LMX1B: variants seen among roughly 807,000 people sequenced by gnomAD.
LMX1B encodes LIM homeobox transcription factor 1 beta.
Under a neutral mutation model 51.4 loss-of-function variants are expected in LMX1B, and 12 were observed. The ratio of observed to expected loss-of-function variants is 0.23; its 90% CI spans 0.15 to 0.38. The LOEUF (loss-of-function observed/expected upper bound fraction) is 0.38. Among genes scored for constraint, LMX1B ranks in the 10% least tolerant of loss-of-function variants. The pLI is 1.00. For synonymous variants in LMX1B, 237 were observed against 235.4 expected (o/e 1.01, Z -0.06); for missense variants, 445 against 571.1 (o/e 0.78, Z 2.25).
chr9:126,631,277 A>G (rs1835631759), intron 2 of LMX1B, among the ~76,000 whole-genome samples: 1 of 152,252 alleles, frequency 6.6e-6, no homozygotes, highest in South Asian at 2.1e-4. Context: ...GATTTAAATT[A>G]AAATAACAGT....
At chr9:126,668,460 T>C (rs1158731388) in intron 2 of LMX1B, among the ~76,000 whole-genome samples, 1 of 151,254 alleles carries the variant, frequency 6.6e-6, no homozygotes, top group Non-Finnish European at 1.5e-5. Flanking sequence ...TTATTATTAT[T>C]ATTATTATTT....
rs1835522968 is a variant in LMX1B, at chr9:126,626,055, G to A, written c.326+10486G>A. On this transcript the variant is annotated intron_variant, in intron 2 of 7. Coordinates refer to ENST00000373474, the MANE Select transcript of LMX1B (RefSeq NM_001174147.2). This position sits in a 1 kb window ranked among gnomAD's most constrained non-coding sequence, Gnocchi z 4.3. ...TTTTGCTCCCCTCATGGACATGGGG[G>A]TGGGGAGCTCGTGGGGTTTCAGCCC... Among the ~76,000 whole-genome samples, 1 of 152,260 alleles carries A rather than the reference G, an allele frequency of 6.6e-6. No homozygotes were observed. The highest frequency in any genetic ancestry group is 6.5e-5 in the Admixed American group (1 of 15,292).
Position 126,670,093 on chromosome 9 carries a change from C to T in LMX1B, c.327-20743C>T, listed in dbSNP as rs548321678. On this transcript the variant is annotated intron_variant, in intron 2 of 7. Transcript: ENST00000373474. ...GCACTGGGAGGGCCCTAACCCAAAT[C>T]CCAGTTCCCAAGAGAGTCCCGGCGT... Among the ~76,000 whole-genome samples the T allele has an allele frequency of 2.9e-4, 44 of 152,328 alleles. No homozygotes were observed. In the East Asian group the frequency reaches 8.3e-3, roughly 29 times the overall value.
intron 2 of LMX1B, among the ~76,000 whole-genome samples, chr9:126,623,105 A>G (rs1276404952): frequency 2.6e-5 from 4 of 152,240 alleles, no homozygotes; most frequent in African/African-American, 9.6e-5. Flanking sequence ...TGGGAGGCCC[A>G]GAAAGTGCAG....
intron 2 of LMX1B, among the ~76,000 whole-genome samples, chr9:126,657,565 G>A (rs908774384): frequency 3.9e-5 from 6 of 152,166 alleles, no homozygotes; most frequent in African/African-American, 1.4e-4. Flanking sequence ...TTGGATCCTG[G>A]AAGCCTCCTC....
intron 2 of LMX1B, among the ~76,000 whole-genome samples, chr9:126,646,057 G>C (rs1835894702): frequency 6.6e-6 from 1 of 152,200 alleles, no homozygotes; most frequent in Non-Finnish European, 1.5e-5. Flanking sequence ...GAAAGGGTTA[G>C]AATCCTAGCT....
At chr9:126,631,600 A>G (rs1306431409) in intron 2 of LMX1B, among the ~76,000 whole-genome samples, 1 of 152,156 alleles carries the variant, frequency 6.6e-6, no homozygotes, top group African/African-American at 2.4e-5. Flanking sequence ...GGGCGAGGGC[A>G]GAGCTGAGCA....
chr9:126,667,422 A>G (rs1346375833), intron 2 of LMX1B, among the ~76,000 whole-genome samples: 2 of 152,196 alleles, frequency 1.3e-5, no homozygotes, highest in Non-Finnish European at 2.9e-5. Context: ...CACACACACC[A>G]TACATCAGTG....
In LMX1B at chr9:126,621,452, T is replaced by C. The variant is rs1224377559; in HGVS notation, c.326+5883T>C. 2.6e-5 allele frequency among the ~76,000 whole-genome samples: 4 copies of C among 152,224 alleles called. No homozygotes were observed. The East Asian group carries it at 5.8e-4, about 22-fold the overall frequency. ...GCAGTCAGAAGTGGAGAGACGGTGG[T>C]AGTGAGAGAGGGCTAAGGCTGAAAA... On this transcript the variant is annotated intron_variant, in intron 2 of 7. Transcript: ENST00000373474.
At chr9:126,623,752 ACCT>A (rs35622144) in intron 2 of LMX1B, among the ~76,000 whole-genome samples, 38,719 of 151,930 alleles carry the variant, frequency 0.25, 5,184 homozygotes, top group Middle Eastern at 0.36. Flanking sequence ...GGTGTCACTG[ACCT>A]CCTCTGCGCG....
At chr9:126,657,336 G>T (rs747714675) in intron 2 of LMX1B, among the ~76,000 whole-genome samples, 1 of 152,128 alleles carries the variant, frequency 6.6e-6, no homozygotes, top group Admixed American at 6.5e-5. Context: ...TATCTTTCTT[G>T]GTCAGGTATC....
intron 2 of LMX1B, among the ~76,000 whole-genome samples, chr9:126,656,808 C>T (rs535059965): frequency 1.3e-5 from 2 of 152,354 alleles, no homozygotes; most frequent in Admixed American, 6.5e-5. Context: ...AGCAGCATCT[C>T]AGCTGCCACT....
chr9:126,623,696 T>TG lies in LMX1B; in HGVS notation c.326+8130dup, dbSNP rs573539944. Among the ~76,000 whole-genome samples the TG allele has an allele frequency of 8.5e-5, 13 of 152,266 alleles. No individual in the cohort carries two copies. The South Asian group carries it at 2.7e-3, about 32-fold the overall frequency. ...CTAATCTCCCCCAGAACGCCCAGCC[T>TG]GGGAGGGGTGGGGAGGGGGAGTCGC... On this transcript the variant is annotated intron_variant, in intron 2 of 7. Transcript: ENST00000373474.
rs1300031499 is a variant in LMX1B, at chr9:126,671,543, C to T, written c.327-19293C>T. On this transcript the variant is annotated intron_variant, in intron 2 of 7. Transcript: ENST00000373474. The surrounding 1 kb of genome is among the most constrained non-coding windows in gnomAD (Gnocchi z 4.4). ...AATTAAATCCTGCGCCAAGAGCCCA[C>T]TCCAGCCGGTATCCCGAGAGGCCGC... 2.0e-5 allele frequency among the ~76,000 whole-genome samples: 3 copies of T among 152,218 alleles called. No homozygotes were observed. The highest frequency in any genetic ancestry group is 2.9e-5 in the Non-Finnish European group (2 of 68,030).
Position 126,695,473 on chromosome 9 carries a change from G to C in LMX1B, c.887-366G>C, listed in dbSNP as rs57310914. 0.24 allele frequency among the ~76,000 whole-genome samples: 36,369 copies of C among 152,150 alleles called. 5,240 individuals are homozygous for C. The highest frequency in any genetic ancestry group is 0.39 in the Middle Eastern group (114 of 294). On this transcript the variant is annotated intron_variant, in intron 6 of 7. Transcript: ENST00000373474. This position sits in a 1 kb window ranked among gnomAD's most constrained non-coding sequence, Gnocchi z 5.2. ...GTTCTTTAAGTCACATCAGGGCGGG[G>C]GCCCTTTCCTCCAGGAAGTCTTCCC...
chr9:126,620,767 G>A (rs939790296), intron 2 of LMX1B, among the ~76,000 whole-genome samples: 12 of 152,136 alleles, frequency 7.9e-5, no homozygotes, highest in African/African-American at 2.7e-4. Flanking sequence ...TATTTCCACC[G>A]GGAAACAATT....
chr9:126,617,723 G>A (rs1835330015), intron 2 of LMX1B, among the ~76,000 whole-genome samples: 1 of 152,138 alleles, frequency 6.6e-6, no homozygotes, highest in Non-Finnish European at 1.5e-5. Context: ...TGTTGAGAAT[G>A]ATTTTTGGCA....
intron 3 of LMX1B, 62 bp from the exon 4 acceptor site, chr9:126,693,080 A>G: frequency 1.3e-6 from 2 of 1,517,368 alleles, no homozygotes; most frequent in Admixed American, 4.0e-5. Context: ...GCCGAAGGGG[A>G]CAAGGCTGAG....
chr9:126,629,581 C>G (rs530455849), intron 2 of LMX1B, among the ~76,000 whole-genome samples: 41 of 142,936 alleles, frequency 2.9e-4, no homozygotes, highest in African/African-American at 9.4e-4. Flanking sequence ...GTTGGTGCCC[C>G]GATGGTGGGC....
Sources: allele counts gnomAD v4.1 joint callset (sites outside exome capture counted in the v4.1 genomes callset), GRCh38; gene constraint gnomAD v4.1.1; non-coding constraint Gnocchi (gnomAD v3.1); transcripts MANE v1.5; gene names NCBI Gene and HGNC (gene_info 2026-07-23, HGNC 2026-07-21).